Variants in KIF26B observed in about 807,000 individuals in gnomAD.
KIF26B encodes kinesin family member 26B, also known as kinesin-like protein KIF26B.
In KIF26B, 63 loss-of-function variants were observed where a neutral mutation model predicts 151.2. The ratio of observed to expected loss-of-function variants is 0.42; its 90% confidence interval spans 0.34 to 0.51. The LOEUF is 0.51. KIF26B is among the 20% of genes least tolerant of loss of function. KIF26B has a pLI of 0.07. For missense variants in KIF26B, 2,813 were observed against 2,913.6 expected, an observed-to-expected ratio of 0.97 and a Z score of 0.79; for synonymous variants, 1,357 against 1,262.1, an observed-to-expected ratio of 1.08 and a Z score of -1.59.
intron 9 of KIF26B, among the ~76,000 whole-genome samples, chr1:245,618,353 AAG>A: frequency 6.6e-6 from 1 of 151,894 alleles, no homozygotes; most frequent in East Asian, 1.9e-4. Context: ...GAGCTTGTCC[AAG>A]CCCTATTAGA....
intron 3 of KIF26B, among the ~76,000 whole-genome samples, chr1:245,419,366 TA>T (rs957558618): frequency 6.6e-6 from 1 of 152,170 alleles, no homozygotes; most frequent in African/African-American, 2.4e-5. Context: ...GATAATTTTA[TA>T]CCATTATTTT....
intron 3 of KIF26B, among the ~76,000 whole-genome samples, chr1:245,410,357 A>G (rs1674246895): frequency 6.6e-6 from 1 of 152,180 alleles, no homozygotes; most frequent in Non-Finnish European, 1.5e-5. Context: ...GATGGTCCTT[A>G]TGACCACACT....
At chr1:245,297,672 A>G (rs189654341) in intron 2 of KIF26B, among the ~76,000 whole-genome samples, 8 of 152,312 alleles carry the variant, frequency 5.3e-5, no homozygotes, top group Non-Finnish European at 1.2e-4. Context: ...CTAAGGAAAA[A>G]ATGTATTACT....
rs1013773884 is a variant in KIF26B at position 245,704,742 on chromosome 1, T to G, written c.*2136T>G. On this transcript the variant is annotated 3_prime_UTR_variant, in exon 15 of 15. Coordinates refer to ENST00000407071, the MANE Select transcript of KIF26B (RefSeq NM_018012.4). The stretch of plus-strand genomic sequence containing the variant: ...GGGCTCGCCTCTGGCCTCAAAGCAC[T>G]TGTGTAAGTGGGCTTGCTTAACAGT... 3.3e-5 allele frequency: 5 copies of G among 152,256 alleles called. No homozygotes were observed. The highest frequency in any genetic ancestry group is 1.2e-4 in the African/African-American group (5 of 41,452). 9.4% of individuals were successfully genotyped at this position (152,256 alleles called of 1,614,324 possible).
chr1:245,673,592 A>C (rs1362614049), intron 10 of KIF26B: 1 of 152,334 alleles, frequency 6.6e-6, no homozygotes, highest in Admixed American at 6.5e-5. Context: ...GATTCTACAC[A>C]CTTCTAATGT....
intron 2 of KIF26B, among the ~76,000 whole-genome samples, chr1:245,334,652 T>C (rs541152909): frequency 3.3e-5 from 5 of 152,220 alleles, no homozygotes; most frequent in African/African-American, 1.2e-4. Context: ...GAGAGGAGTA[T>C]GGGTGCGGGG....
Position 245,156,660 on chromosome 1 carries a change from C to CTCCCGGGGCCCT in KIF26B, c.450_461dup (p.Pro151_Gly154dup). 6.6e-7 allele frequency: 1 copy of CTCCCGGGGCCCT among 1,503,826 alleles called. No individual in the cohort carries two copies. The highest frequency in any genetic ancestry group is 8.8e-7 in the Non-Finnish European group (1 of 1,133,672). The allele number at this position is 1,503,826 out of a possible 1,614,324, so 93.2% of individuals were successfully genotyped here. A position where few individuals can be genotyped will look rare whatever the true frequency, so the allele number is the denominator to read the frequency against. On this transcript the variant is annotated inframe_insertion, in exon 2 of 15. Coordinates refer to ENST00000407071, the MANE Select transcript of KIF26B (RefSeq NM_018012.4). ...CAAGAGGCAGGCCCTGAGGTTGCTC[C>CTCCCGGGGCCCT]TCCCGGGGCCCTTCCCGGGCAAGGT...
At chr1:245,664,483 ATAAG>A (rs1326811784) in intron 10 of KIF26B, among the ~76,000 whole-genome samples, 1 of 152,198 alleles carries the variant, frequency 6.6e-6, no homozygotes, top group African/African-American at 2.4e-5. Flanking sequence ...CTTCTTTTAA[ATAAG>A]TAAGGAGATC....
At position 245,606,587 on chromosome 1, in the gene KIF26B, G is replaced by A. The variant is rs936676316; in HGVS notation, c.1558-1064G>A. On this transcript the variant is annotated intron_variant, in intron 6 of 14. Coordinates refer to ENST00000407071, the MANE Select transcript of KIF26B (RefSeq NM_018012.4). This position sits in a 1 kb window ranked among gnomAD's most constrained non-coding sequence, Gnocchi z 4.6. ...ATGGCTCGCAGAGCTCTGTATTAGC[G>A]GGTGTTCAGGGGAAATACAAAACAT... 4.6e-5 allele frequency among the ~76,000 whole-genome samples: 7 copies of A among 152,214 alleles called. No homozygotes were observed. Among genetic ancestry groups the A allele is most frequent in the Non-Finnish European group, 8.8e-5 (6 of 68,052 alleles).
chr1:245,588,423 C>T (rs988002849), intron 5 of KIF26B, among the ~76,000 whole-genome samples: 2 of 152,184 alleles, frequency 1.3e-5, no homozygotes, highest in African/African-American at 4.8e-5. Flanking sequence ...AAGGGGCAGT[C>T]AGTGGCTTGC....
At position 245,698,374 on chromosome 1, in the gene KIF26B, G is replaced by A; in HGVS notation, c.6027+66G>A. On this transcript the variant is annotated intron_variant, in intron 13 of 14. Coordinates refer to ENST00000407071, the MANE Select transcript of KIF26B (RefSeq NM_018012.4). This position sits in a 1 kb window ranked among gnomAD's most constrained non-coding sequence, Gnocchi z 4.0. ...AGCTCCCCACCAAGCCTGAGCAGGT[G>A]CTAGGCAGGGCCCTGGGGAAGAAAA... The A allele has an allele frequency of 7.0e-7, 1 of 1,428,774 alleles. No individual in the cohort carries two copies. Among genetic ancestry groups the A allele is most frequent in the Admixed American group, 1.8e-5 (1 of 54,108 alleles). The allele number at this position is 1,428,774 out of a possible 1,614,324, so 88.5% of individuals were successfully genotyped here. A position where few individuals can be genotyped will look rare whatever the true frequency, so the allele number is the denominator to read the frequency against.
intron 2 of KIF26B, chr1:245,353,750 T>C (rs1672620653): frequency 6.6e-6 from 1 of 152,660 alleles, no homozygotes; most frequent in Non-Finnish European, 1.5e-5. Flanking sequence ...GCTTTGGTGA[T>C]GCTTTGCTCA....
At chr1:245,593,175 T>C (rs1239612041) in intron 5 of KIF26B, among the ~76,000 whole-genome samples, 1 of 152,216 alleles carries the variant, frequency 6.6e-6, no homozygotes, top group Admixed American at 6.5e-5. Context: ...GGTTTGTTTT[T>C]TGTTTTTTAA....
At chr1:245,418,970 G>A (rs1658392319) in intron 3 of KIF26B, among the ~76,000 whole-genome samples, 1 of 152,170 alleles carries the variant, frequency 6.6e-6, no homozygotes, top group South Asian at 2.1e-4. Flanking sequence ...GAACCAGCAG[G>A]AAAATGAAGT....
intron 4 of KIF26B, among the ~76,000 whole-genome samples, chr1:245,475,876 T>C (rs1660025763): frequency 6.6e-6 from 1 of 151,868 alleles, no homozygotes; most frequent in South Asian, 2.1e-4. Context: ...AACACAGAGT[T>C]ACCAAATGAT....
chr1:245,592,977 C>T (rs1362851175), intron 5 of KIF26B, among the ~76,000 whole-genome samples: 4 of 152,084 alleles, frequency 2.6e-5, no homozygotes, highest in African/African-American at 9.7e-5. Context: ...GATTTCCTGG[C>T]ATTGGAGTTA....
chr1:245,582,792 A>C (rs1423517080), intron 5 of KIF26B, among the ~76,000 whole-genome samples: 1 of 152,210 alleles, frequency 6.6e-6, no homozygotes, highest in Non-Finnish European at 1.5e-5. Flanking sequence ...CCTACTTAAC[A>C]ATAATATGCC....
At chr1:245,403,733 GT>G (rs1419745284) in intron 3 of KIF26B, among the ~76,000 whole-genome samples, 3 of 152,164 alleles carry the variant, frequency 2.0e-5, no homozygotes, top group Non-Finnish European at 2.9e-5. Context: ...TCTTGCCAAC[GT>G]TTTAGACTTC....
intron 2 of KIF26B, among the ~76,000 whole-genome samples, chr1:245,173,745 C>T (rs1283873287): frequency 2.6e-5 from 4 of 152,178 alleles, no homozygotes; most frequent in Non-Finnish European, 5.9e-5. Context: ...TAGAGGGATG[C>T]AGGAGTCCCC....
Sources: gnomAD v4.1 joint callset for allele counts (sites outside exome capture counted in the v4.1 genomes callset) on GRCh38, gnomAD v4.1.1 for gene constraint, Gnocchi (gnomAD v3.1) non-coding constraint, MANE v1.5 for transcripts, NCBI Gene and HGNC (gene_info 2026-07-23, HGNC 2026-07-21) for gene names.